The following MACF1 variants were observed in gnomAD, a reference collection of about 807,000 sequenced individuals.
MACF1 encodes microtubule-actin cross-linking factor 1.
Under a neutral mutation model 854.8 loss-of-function variants are expected in MACF1, and 193 were observed. The observed-to-expected ratio is 0.23, with a 90% CI of 0.20 to 0.25. MACF1 has a LOEUF of 0.25. MACF1 is among the 10% of genes least tolerant of loss of function. The pLI, the probability that MACF1 is intolerant of heterozygous loss-of-function variation, is 1.00. For synonymous variants in MACF1, 3,185 were observed against 3,226.7 expected (o/e 0.99, Z 0.44); for missense variants, 7,722 against 8,929.1 (o/e 0.86, Z 5.45).
intron 45 of MACF1, 98 bp from the exon 46 acceptor site, chr1:39,358,599 T>C: frequency 1.8e-6 from 2 of 1,085,754 alleles, no homozygotes; most frequent in Admixed American, 4.3e-5. Flanking sequence ...GAAGTTACAG[T>C]GAGTTGTCTG....
intron 1 of MACF1, among the ~76,000 whole-genome samples, chr1:39,222,737 A>C (rs1385415710): frequency 1.3e-5 from 2 of 152,182 alleles, no homozygotes; most frequent in African/African-American, 4.8e-5. Context: ...AAACAGGACT[A>C]TTCCAACTCT....
intron 51 of MACF1, 74 bp downstream of exon 51, chr1:39,370,260 G>A (rs1161179372): frequency 3.4e-5 from 45 of 1,327,586 alleles, no homozygotes; most frequent in Non-Finnish European, 4.4e-5. Flanking sequence ...GTCTCCAGCT[G>A]TGGTGGGGAA....
At position 39,315,668 on chromosome 1, in the gene MACF1, T is replaced by C; in HGVS notation, c.3426T>C (p.Gly1142=). Reference sequence around the variant, plus strand: ...TGGAGAAGATGGACCATGTCTATGGTCTCTCTACTGTATATCTGAATAAGT... The same window carrying C: ...TGGAGAAGATGGACCATGTCTATGGCCTCTCTACTGTATATCTGAATAAGT... ...LLVEKMDHVY[G]LSTVYLNKLK... The change falls in exon 27 of 101, where the codon GGT becomes GGC. Residue 1142 remains glycine, a synonymous_variant. Transcript: ENST00000564288. 6.2e-7 allele frequency: 1 copy of C among 1,614,102 alleles called. No homozygotes were observed. The highest frequency in any genetic ancestry group is 8.5e-7 in the Non-Finnish European group (1 of 1,179,990).
intron 97 of MACF1, among the ~76,000 whole-genome samples, chr1:39,475,966 C>A (rs1247192237): frequency 6.6e-6 from 1 of 152,050 alleles, no homozygotes; most frequent in Non-Finnish European, 1.5e-5. Context: ...TCCTTGAAGC[C>A]AGGGGAGGAC....
intron 2 of MACF1, among the ~76,000 whole-genome samples, chr1:39,241,352 GT>G (rs1239357032): frequency 6.6e-6 from 1 of 152,072 alleles, no homozygotes; most frequent in African/African-American, 2.4e-5. Flanking sequence ...TCTAGATCAA[GT>G]TTTCGGCAGG....
chr1:39,408,887 C>G (rs1489598204), intron 58 of MACF1, among the ~76,000 whole-genome samples: 1 of 151,978 alleles, frequency 6.6e-6, no homozygotes, highest in African/African-American at 2.4e-5. Context: ...CCAATCCTCT[C>G]CACCGCTCCC....
intron 69 of MACF1, 81 bp downstream of exon 69, chr1:39,434,713 A>G (rs765718713): frequency 1.6e-4 from 198 of 1,211,584 alleles, no homozygotes; most frequent in Non-Finnish European, 2.2e-4. Flanking sequence ...GTTAGTGTCT[A>G]TAGGTGCAAG....
chr1:39,382,581 G>C (rs921968621), intron 56 of MACF1, among the ~76,000 whole-genome samples: 1 of 151,580 alleles, frequency 6.6e-6, no homozygotes, highest in African/African-American at 2.4e-5. Context: ...GCATGTGCCT[G>C]AAATCCCAGC....
chr1:39,192,587 G>C (rs1011545020), intron 2 of MACF1, among the ~76,000 whole-genome samples: 1 of 152,250 alleles, frequency 6.6e-6, no homozygotes, highest in East Asian at 1.9e-4. Flanking sequence ...TATAATGAAA[G>C]TTCCATGTGT....
At chr1:39,475,030 C>T (rs1644851538) in intron 97 of MACF1, among the ~76,000 whole-genome samples, 1 of 152,080 alleles carries the variant, frequency 6.6e-6, no homozygotes, top group African/African-American at 2.4e-5. Flanking sequence ...CAGGAGGGGC[C>T]AGGTGATGGA....
At chr1:39,321,300 G>A (rs975049033) in intron 31 of MACF1, among the ~76,000 whole-genome samples, 1 of 152,230 alleles carries the variant, frequency 6.6e-6, no homozygotes, top group Non-Finnish European at 1.5e-5. Context: ...CTCACTGAGT[G>A]ATTGTAAAGA....
At chr1:39,254,153 G>A in intron 4 of MACF1, 145 bp from the exon 5 acceptor site, 1 of 663,624 alleles carries the variant, frequency 1.5e-6, no homozygotes, top group Non-Finnish European at 2.6e-6. Context: ...TGGTCTTAGG[G>A]GGTGCTTTGT....
intron 51 of MACF1, among the ~76,000 whole-genome samples, chr1:39,371,401 T>C (rs1393500573): frequency 4.0e-5 from 6 of 151,426 alleles, no homozygotes. Flanking sequence ...TTAGGCAATA[T>C]GAGTAGAGCT....
intron 2 of MACF1, among the ~76,000 whole-genome samples, chr1:39,233,775 CTTTTTT>C (rs11286953): frequency 2.7e-4 from 10 of 36,548 alleles, no homozygotes; most frequent in South Asian, 2.0e-3. Context: ...CTAGCCATAG[CTTTTTT>C]TTTTTTTTTT....
chr1:39,222,054 C>T (rs1644659588), intron 1 of MACF1, among the ~76,000 whole-genome samples: 1 of 152,156 alleles, frequency 6.6e-6, no homozygotes, highest in African/African-American at 2.4e-5. Flanking sequence ...CATGTAATAG[C>T]CATACTGTTC....
chr1:39,465,021 A>T, intron 94 of MACF1, 74 bp from the exon 95 acceptor site: 2 of 1,253,464 alleles, frequency 1.6e-6, no homozygotes, highest in Non-Finnish European at 2.3e-6. Flanking sequence ...TTCATTCTTT[A>T]GTGTTAATTT....
intron 41 of MACF1, among the ~76,000 whole-genome samples, chr1:39,347,809 A>G (rs1339339849): frequency 6.6e-6 from 1 of 152,120 alleles, no homozygotes; most frequent in African/African-American, 2.4e-5. Context: ...TTATTCAATC[A>G]TGGAAAACAG....
intron 2 of MACF1, among the ~76,000 whole-genome samples, chr1:39,145,886 C>G (rs998937686): frequency 6.6e-6 from 1 of 152,204 alleles, no homozygotes; most frequent in Non-Finnish European, 1.5e-5. Context: ...CAAATGACTA[C>G]TCTCCTTTTC....
At position 39,460,670 on chromosome 1, in the gene MACF1, G is replaced by A. The variant is rs1449025335; in HGVS notation, c.21399G>A (p.Arg7133=). The A allele has an allele frequency of 4.3e-6, 7 of 1,614,044 alleles. No individual in the cohort carries two copies. In the Admixed American group the frequency reaches 6.7e-5, roughly 15 times the overall value. The part of the protein sequence containing the change: ...EFANFDFDVW[R]KKYMRWMNHK... ...CCAACTTTGACTTTGATGTCTGGAG[G>A]AAAAAGTATATGCGTTGGATGAATC... The change falls in exon 92 of 101, where the codon AGG becomes AGA. Residue 7133 remains arginine (R), a synonymous_variant. Transcript: ENST00000564288. This position sits in a 1 kb window ranked among gnomAD's most constrained non-coding sequence, Gnocchi z 4.1.
Sources: gnomAD v4.1 joint callset for allele counts (sites outside exome capture counted in the v4.1 genomes callset) on GRCh38, gnomAD v4.1.1 for gene constraint, Gnocchi (gnomAD v3.1) non-coding constraint, MANE v1.5 for transcripts, NCBI Gene and HGNC (gene_info 2026-07-23, HGNC 2026-07-21) for gene names.